MGAT4C: variants seen among roughly 807,000 people sequenced by gnomAD.
MGAT4C encodes the protein MGAT4 family member C, also known as alpha-1,3-mannosyl-glycoprotein 4-beta-N-acetylglucosaminyltransferase C.
MGAT4C carries 19 observed loss-of-function variants against 40.1 expected under a neutral mutation model. The ratio of observed to expected loss-of-function variants is 0.47; its 90% CI spans 0.33 to 0.70. The LOEUF is 0.70. Ranked by LOEUF, MGAT4C falls within the 30% of genes least tolerant of loss-of-function variation. The pLI is 0.02. For synonymous variants in MGAT4C, 181 were observed against 187.1 expected (o/e 0.97, Z 0.27); for missense variants, 491 against 563.2 (o/e 0.87, Z 1.30).
intron 2 of MGAT4C, among the ~76,000 whole-genome samples, chr12:86,497,827 T>C (rs1026132531): frequency 1.3e-5 from 2 of 148,408 alleles, no homozygotes; most frequent in African/African-American, 4.9e-5. Context: ...TCTATGCAAA[T>C]TCTTTTTCTC....
rs1592710150 is a variant in MGAT4C, at chr12:86,335,044, T to C, written c.-119-917A>G. ...CCCCAGTTTATTTAAATTATATAAA[T>C]GCATAGTCATAATAGTTTTTCCATT... On this transcript the variant is annotated intron_variant, in intron 3 of 7. Coordinates refer to the MGAT4C transcript ENST00000548651. Among the ~76,000 whole-genome samples, 3 of 130,724 alleles carry C rather than the reference T, an allele frequency of 2.3e-5. No homozygotes were observed. The South Asian group carries it at 7.5e-4, about 33-fold the overall frequency. The allele number at this position is 130,724 out of a possible 152,430, so 85.8% of individuals were successfully genotyped here.
intron 3 of MGAT4C, among the ~76,000 whole-genome samples, chr12:86,433,317 C>T (rs935277675): frequency 1.4e-5 from 2 of 147,416 alleles, no homozygotes; most frequent in Admixed American, 6.9e-5. Context: ...TGTGTGCATA[C>T]ATACACACAT....
chr12:86,232,015 G>C (rs1317394401), intron 1 of MGAT4C, among the ~76,000 whole-genome samples: 1 of 151,906 alleles, frequency 6.6e-6, no homozygotes, highest in East Asian at 1.9e-4. Flanking sequence ...GGTGGCAAGC[G>C]CCTGGAATCC....
At chr12:86,110,099 C>T (rs1876962648) in intron 1 of MGAT4C, among the ~76,000 whole-genome samples, 3 of 150,072 alleles carry the variant, frequency 2.0e-5, no homozygotes, top group Admixed American at 1.3e-4. Context: ...GTATAATAGA[C>T]AGTCAGGGAG....
At chr12:86,776,077 G>T (rs1593197173) in intron 1 of MGAT4C, among the ~76,000 whole-genome samples, 1 of 151,928 alleles carries the variant, frequency 6.6e-6, no homozygotes, top group African/African-American at 2.4e-5. Flanking sequence ...TGGTGAGAGT[G>T]AGAATTTGGG....
intron 1 of MGAT4C, among the ~76,000 whole-genome samples, chr12:86,160,675 C>A (rs1361344610): frequency 1.3e-5 from 2 of 151,930 alleles, no homozygotes; most frequent in Admixed American, 1.3e-4. Flanking sequence ...CAGTGGAGTG[C>A]TAAAGTCTCC....
At chr12:86,413,217 A>G (rs11103951) in intron 3 of MGAT4C, among the ~76,000 whole-genome samples, 5,331 of 152,240 alleles carry the variant, frequency 0.035, 133 homozygotes, top group Non-Finnish European at 0.047. Flanking sequence ...GACATTTCAC[A>G]GATAGAAGAA....
At chr12:86,299,178 C>T (rs1480447412) in intron 4 of MGAT4C, among the ~76,000 whole-genome samples, 2 of 152,100 alleles carry the variant, frequency 1.3e-5, no homozygotes, top group African/African-American at 2.4e-5. Flanking sequence ...TGCAGTGGCG[C>T]GATCTCGGCT....
chr12:86,367,112 A>G (rs888261887), intron 3 of MGAT4C, among the ~76,000 whole-genome samples: 1 of 151,974 alleles, frequency 6.6e-6, no homozygotes, highest in Non-Finnish European at 1.5e-5. Flanking sequence ...ATCTCAGACA[A>G]ACACCACCAC....
chr12:86,424,396 T>G (rs1336202686), intron 3 of MGAT4C, among the ~76,000 whole-genome samples: 1 of 152,202 alleles, frequency 6.6e-6, no homozygotes, highest in Non-Finnish European at 1.5e-5. Context: ...AGTGTTCTTT[T>G]TTTAGCCTGA....
chr12:86,209,620 C>A (rs186878665), intron 1 of MGAT4C, among the ~76,000 whole-genome samples: 1 of 152,204 alleles, frequency 6.6e-6, no homozygotes, highest in Admixed American at 6.5e-5. Flanking sequence ...GCAGATCAAT[C>A]TACATTTCTC....
chr12:86,200,135 T>TG (rs1949992267), intron 1 of MGAT4C, among the ~76,000 whole-genome samples: 1 of 89,254 alleles, frequency 1.1e-5, no homozygotes, highest in African/African-American at 2.9e-5. Context: ...TTGTTTTTTT[T>TG]TTTTTTTTTT....
At chr12:86,781,031 T>C (rs1043980442) in intron 1 of MGAT4C, among the ~76,000 whole-genome samples, 1 of 152,100 alleles carries the variant, frequency 6.6e-6, no homozygotes, top group African/African-American at 2.4e-5. Context: ...TGTGTGTGTG[T>C]GTGTGTATGT....
rs1442064367 is a variant in MGAT4C at position 85,974,652 on chromosome 12, C to A, written c.*4637G>T. 2.0e-5 allele frequency: 3 copies of A among 149,988 alleles called. No homozygotes were observed. Among genetic ancestry groups the A allele is most frequent in the Non-Finnish European group, 4.5e-5 (3 of 66,786 alleles). The allele number at this position is 149,988 out of a possible 1,614,324, so 9.3% of individuals were successfully genotyped here. A position where few individuals can be genotyped will look rare whatever the true frequency, so the allele number is the denominator to read the frequency against. On this transcript the variant is annotated 3_prime_UTR_variant, in exon 5 of 5. Transcript: ENST00000611864. ...TGCCAAAAAGTAATAAAAGATATAT[C>A]CTCTGTTTGGGATAAATAAAAAAAA...
chr12:86,100,367 T>C (rs1011849506), intron 1 of MGAT4C, among the ~76,000 whole-genome samples: 12 of 151,460 alleles, frequency 7.9e-5, no homozygotes, highest in African/African-American at 2.9e-4. Flanking sequence ...TACAACTAAT[T>C]CCTGCTCTTC....
intron 2 of MGAT4C, among the ~76,000 whole-genome samples, chr12:86,541,107 G>T (rs1366361730): frequency 6.6e-6 from 1 of 152,130 alleles, no homozygotes; most frequent in Admixed American, 6.5e-5. Context: ...AGTTAAAGGA[G>T]CCCAAACGTA....
intron 2 of MGAT4C, among the ~76,000 whole-genome samples, chr12:86,016,921 T>C (rs1592696305): frequency 6.7e-6 from 1 of 150,090 alleles, no homozygotes. Context: ...TTTTAAAAAT[T>C]AATTTTTAAG....
chr12:86,457,859 C>A (rs1037553658), intron 2 of MGAT4C, among the ~76,000 whole-genome samples: 1 of 149,838 alleles, frequency 6.7e-6, no homozygotes, highest in Non-Finnish European at 1.5e-5. Context: ...AGTTTTTTTT[C>A]TTTCACCTCT....
chr12:86,061,700 G>A (rs954968921), intron 1 of MGAT4C, among the ~76,000 whole-genome samples: 8 of 152,018 alleles, frequency 5.3e-5, no homozygotes, highest in African/African-American at 9.7e-5. Flanking sequence ...AGGGGCATCC[G>A]CCATTACTGA....
Sources: gnomAD v4.1 joint callset for allele counts (sites outside exome capture counted in the v4.1 genomes callset) on GRCh38, gnomAD v4.1.1 for gene constraint, MANE v1.5 for transcripts, NCBI Gene and HGNC (gene_info 2026-07-23, HGNC 2026-07-21) for gene names.